Variants in RELN observed in about 807,000 individuals in gnomAD.
RELN encodes the protein reelin.
A neutral mutation model predicts 427.6 loss-of-function variants in RELN; 108 were observed. The observed-to-expected ratio is 0.25, with a 90% CI of 0.22 to 0.30. The LOEUF (loss-of-function observed/expected upper bound fraction) is 0.30, where lower values mean the gene tolerates loss of function less well. RELN is among the 10% of genes least tolerant of loss of function. The pLI, the probability that RELN is intolerant of heterozygous loss-of-function variation, is 1.00. For synonymous variants in RELN, 1,524 were observed against 1,513.4 expected, an observed-to-expected ratio of 1.01 and a Z score of -0.16; for missense variants, 3,715 against 4,302.8, an observed-to-expected ratio of 0.86 and a Z score of 3.82.
At chr7:103,894,565 G>A (rs1258924740) in intron 2 of RELN, among the ~76,000 whole-genome samples, 17 of 152,002 alleles carry the variant, frequency 1.1e-4, no homozygotes, top group Non-Finnish European at 1.2e-4. Flanking sequence ...TACGTTCGAA[G>A]AATGACATAA....
intron 16 of RELN, among the ~76,000 whole-genome samples, chr7:103,641,573 T>A (rs1235244512): frequency 6.6e-6 from 1 of 152,182 alleles, no homozygotes; most frequent in East Asian, 1.9e-4. Context: ...AATTCTGGCT[T>A]CACTCAGGAA....
Position 103,988,135 on chromosome 7 carries a change from T to C in RELN, c.226+996A>G, listed in dbSNP as rs528349906. Among the ~76,000 whole-genome samples, 8 of 152,314 alleles carry C rather than the reference T, an allele frequency of 5.3e-5. No individual in the cohort carries two copies. The highest frequency in any genetic ancestry group is 8.8e-5 in the Non-Finnish European group (6 of 68,020). ...TTGGTTGGGTATAAATATTTTGGGG[T>C]TGAAATTCTAATTAAATAGTGCCTG... is the stretch of plus-strand genomic sequence containing the variant. On this transcript the variant is annotated intron_variant, in intron 1 of 64. Coordinates refer to ENST00000428762, the MANE Select transcript of RELN (RefSeq NM_005045.4). This position sits in a 1 kb window ranked among gnomAD's most constrained non-coding sequence, Gnocchi z 4.9.
At chr7:103,929,233 T>C (rs910939754) in intron 1 of RELN, among the ~76,000 whole-genome samples, 2 of 152,174 alleles carry the variant, frequency 1.3e-5, no homozygotes, top group Non-Finnish European at 2.9e-5. Context: ...TCATGTGTAA[T>C]TTTTTCAGCA....
In RELN at chr7:103,871,903, T is replaced by G. The variant is rs553040304; in HGVS notation, c.338-38231A>C. 3.3e-5 allele frequency among the ~76,000 whole-genome samples: 5 copies of G among 152,016 alleles called. No individual in the cohort carries two copies. In the South Asian group the frequency reaches 6.2e-4, roughly 19 times the overall value. The stretch of plus-strand genomic sequence containing the variant: ...ACCAGAGATTTTAAATAGTAGAGTC[T>G]ATATTAGAAATATTACATTCATTTT... On this transcript the variant is annotated intron_variant, in intron 2 of 64. Coordinates refer to ENST00000428762, the MANE Select transcript of RELN (RefSeq NM_005045.4).
intron 61 of RELN, 80 bp downstream of exon 61, chr7:103,486,117 A>G: frequency 7.3e-7 from 1 of 1,363,330 alleles, no homozygotes; most frequent in Non-Finnish European, 1.0e-6. Context: ...GAAGTTCACA[A>G]TCCTATCTAA....
chr7:103,931,423 C>T (rs1482943683), intron 1 of RELN, among the ~76,000 whole-genome samples: 1 of 152,140 alleles, frequency 6.6e-6, no homozygotes, highest in South Asian at 2.1e-4. Context: ...GTGAAGCTTA[C>T]CACATTCTAT....
chr7:103,591,170 A>G (rs1297674843), intron 27 of RELN, among the ~76,000 whole-genome samples: 4 of 152,258 alleles, frequency 2.6e-5, no homozygotes, highest in Admixed American at 6.5e-5. Context: ...ATTACCTGCC[A>G]TCTTATATGA....
At chr7:103,504,248 G>C (rs1209378423) in intron 51 of RELN, among the ~76,000 whole-genome samples, 1 of 152,084 alleles carries the variant, frequency 6.6e-6, no homozygotes, top group African/African-American at 2.4e-5. Flanking sequence ...GTTATAGTTA[G>C]TATTAATAGA....
intron 11 of RELN, among the ~76,000 whole-genome samples, chr7:103,681,793 ATAGTAATGGAAAGATTTTGTATTC>A (rs1833657909): frequency 6.6e-6 from 1 of 152,206 alleles, no homozygotes; most frequent in Non-Finnish European, 1.5e-5. Flanking sequence ...TCTCAATATA[ATAGTAATGGAAAGATTTTGTATTC>A]TATAAACATT....
chr7:103,864,303 T>C (rs886159599), intron 2 of RELN, among the ~76,000 whole-genome samples: 3 of 152,176 alleles, frequency 2.0e-5, no homozygotes, highest in Non-Finnish European at 4.4e-5. Context: ...GTAAGAACAC[T>C]TAATACGAGG....
chr7:103,675,489 C>A (rs899536230), intron 11 of RELN, among the ~76,000 whole-genome samples: 1 of 151,896 alleles, frequency 6.6e-6, no homozygotes, highest in Non-Finnish European at 1.5e-5. Flanking sequence ...TTCAATGCCA[C>A]CCCCATCAAG....
rs143972828 is a variant in RELN at position 103,610,759 on chromosome 7, T to G, written c.2944A>C (p.Ile982Leu). 77 of 1,612,514 alleles carry G rather than the reference T, an allele frequency of 4.8e-5. 2 individuals are homozygous for G. The African/African-American group carries it at 8.8e-4, about 18-fold the overall frequency. ...PSCQEFTSAS[I>L]YHASEFTQWR... ...TGTGTAAACTCACTGGCATGGTAAA[T>G]ACTTGCTGATGTAAATTCCTGACAA... Residue 982 changes from isoleucine to leucine, a missense_variant, in exon 22 of 65, where the codon ATT becomes CTT. By Grantham distance (5) the Ile-to-Leu change is conservative. Around this residue, in one of 4 missense-constraint regions of RELN, gnomAD observed 2,208 missense variants for 2,361.7 expected, o/e 0.93. Coordinates refer to ENST00000428762, the MANE Select transcript of RELN (RefSeq NM_005045.4).
At chr7:103,897,552 T>C (rs370324269) in intron 2 of RELN, among the ~76,000 whole-genome samples, 1 of 152,058 alleles carries the variant, frequency 6.6e-6, no homozygotes. Context: ...AAATGAATAT[T>C]CCTAAGAAGA....
intron 22 of RELN, among the ~76,000 whole-genome samples, chr7:103,604,823 C>G (rs2117275125): frequency 7.3e-6 from 1 of 136,754 alleles, no homozygotes. Flanking sequence ...TAAACTGAAC[C>G]TATCTTTCTT....
intron 12 of RELN, among the ~76,000 whole-genome samples, chr7:103,655,145 T>C (rs1312662870): frequency 2.0e-5 from 3 of 152,014 alleles, no homozygotes; most frequent in African/African-American, 4.8e-5. Flanking sequence ...TTTGCTTCTA[T>C]TAACTGTCTG....
At chr7:103,981,869 T>C (rs6950859) in intron 1 of RELN, among the ~76,000 whole-genome samples, 81,382 of 151,950 alleles carry the variant, frequency 0.54, 22,095 homozygotes, top group African/African-American at 0.63. Context: ...TTATCAAGAG[T>C]CTTCCCAAAG....
chr7:103,807,367 A>C (rs556919116), intron 3 of RELN, among the ~76,000 whole-genome samples: 76 of 152,332 alleles, frequency 5.0e-4, no homozygotes, highest in African/African-American at 1.8e-3. Context: ...AATTAGTGGC[A>C]CTGGATACTT....
In RELN at chr7:103,738,672, C is replaced by CTTT. The variant is rs57390524; in HGVS notation, c.657-10468_657-10466dup. Among the ~76,000 whole-genome samples the CTTT allele has an allele frequency of 7.1e-4, 50 of 70,528 alleles. 2 individuals carry two copies. Among genetic ancestry groups the CTTT allele is most frequent in the African/African-American group, 2.2e-3 (34 of 15,320 alleles). 46.3% of individuals were successfully genotyped at this position (70,528 alleles called of 152,430 possible). ...TCTGGCATCTTTCCTTCCTTCCTTC[C>CTTT]TTTTTTTTTTTTTTTTTTTTTTTTT... On this transcript the variant is annotated intron_variant, in intron 6 of 64. Transcript: ENST00000428762.
chr7:103,888,101 T>C (rs1322040437), intron 2 of RELN, among the ~76,000 whole-genome samples: 4 of 152,146 alleles, frequency 2.6e-5, no homozygotes, highest in African/African-American at 4.8e-5. Flanking sequence ...CAGATAACCC[T>C]GGACATCATG....
Sources: allele counts gnomAD v4.1 joint callset (sites outside exome capture counted in the v4.1 genomes callset), GRCh38; gene constraint gnomAD v4.1.1; regional missense constraint gnomAD v4.1.1; non-coding constraint Gnocchi (gnomAD v3.1); transcripts MANE v1.5; gene names NCBI Gene and HGNC (gene_info 2026-07-23, HGNC 2026-07-21).